Variants in SNX29 observed in about 807,000 individuals in gnomAD.
SNX29 encodes sorting nexin-29.
In SNX29, 78 loss-of-function variants were observed where a neutral mutation model predicts 102.1. The ratio of observed to expected loss-of-function variants is 0.76; its 90% CI spans 0.64 to 0.92. The LOEUF is 0.92. Among genes scored for constraint, SNX29 ranks in the 40% least tolerant of loss-of-function variants. The pLI is 0.00. For synonymous variants in SNX29, 580 were observed against 414.5 expected, an observed-to-expected ratio of 1.40 and a Z score of -4.85; for missense variants, 1,280 against 1,061.7, an observed-to-expected ratio of 1.21 and a Z score of -2.86.
At chr16:12,468,441 G>C (rs2087175679) in intron 18 of SNX29, among the ~76,000 whole-genome samples, 1 of 152,030 alleles carries the variant, frequency 6.6e-6, no homozygotes, top group Non-Finnish European at 1.5e-5. Flanking sequence ...TGGGATTACA[G>C]GTGTGAGCCA....
chr16:12,318,991 G>A (rs2080843198), intron 15 of SNX29, among the ~76,000 whole-genome samples: 1 of 152,058 alleles, frequency 6.6e-6, no homozygotes, highest in Admixed American at 6.6e-5. Context: ...GGAGGTTTGG[G>A]GAGTCCCTTC....
At chr16:12,554,079 G>C (rs1265636689) in intron 20 of SNX29, among the ~76,000 whole-genome samples, 2 of 152,150 alleles carry the variant, frequency 1.3e-5, no homozygotes. Flanking sequence ...TCTCACCTTG[G>C]CCTCCCAAAA....
At chr16:12,163,097 G>C (rs776725159) in intron 13 of SNX29, among the ~76,000 whole-genome samples, 30 of 152,148 alleles carry the variant, frequency 2.0e-4, no homozygotes, top group Non-Finnish European at 3.8e-4. Flanking sequence ...GGCCAGGCTG[G>C]TCTCGAACTC....
chr16:12,125,605 C>T (rs1703489), intron 11 of SNX29, among the ~76,000 whole-genome samples: 16,526 of 45,168 alleles, frequency 0.37, 2,547 homozygotes, highest in East Asian at 0.59. Flanking sequence ...TGAGATCTCT[C>T]TTTTTTTTTT....
At chr16:12,029,618 G>T (rs1035326636) in intron 4 of SNX29, 4 of 449,154 alleles carry the variant, frequency 8.9e-6, no homozygotes, top group South Asian at 6.2e-5. Context: ...TTTAGATGGA[G>T]CCTCACTCTG....
rs574557855 is a variant in SNX29, at chr16:12,289,243, C to T, written c.1782+11207C>T. Among the ~76,000 whole-genome samples the T allele has an allele frequency of 2.6e-5, 4 of 152,270 alleles. No individual in the cohort carries two copies. In the South Asian group the frequency reaches 6.2e-4, roughly 24 times the overall value. ...TCTGTTCCTGTGTGCTGGGGTTATC[C>T]GCCCATGCAGCAGGAGGAGAAGGGT... is the stretch of plus-strand genomic sequence containing the variant. On this transcript the variant is annotated intron_variant, in intron 15 of 20. Coordinates refer to ENST00000566228, the MANE Select transcript of SNX29 (RefSeq NM_032167.5).
chr16:12,026,132 G>C (rs577896815), intron 3 of SNX29, among the ~76,000 whole-genome samples: 11 of 152,326 alleles, frequency 7.2e-5, no homozygotes, highest in Non-Finnish European at 1.3e-4. Flanking sequence ...GAGCCGGATG[G>C]TGGTGGCCTC....
intron 20 of SNX29, among the ~76,000 whole-genome samples, chr16:12,530,201 GAT>G (rs984471846): frequency 1.3e-5 from 2 of 152,232 alleles, no homozygotes; most frequent in African/African-American, 4.8e-5. Flanking sequence ...TGGAGTTGCT[GAT>G]AGTCTTTGGC....
chr16:12,029,861 G>A (rs1596638715), intron 4 of SNX29: 1 of 335,398 alleles, frequency 3.0e-6, no homozygotes, highest in East Asian at 8.1e-5. Flanking sequence ...CAAAGTGCTG[G>A]GATTACAGGC....
chr16:12,166,333 G>T (rs548139447), intron 13 of SNX29, among the ~76,000 whole-genome samples: 10 of 152,150 alleles, frequency 6.6e-5, no homozygotes, highest in Non-Finnish European at 1.3e-4. Flanking sequence ...AGCAGTGAGC[G>T]CTGGAAGCAA....
Position 12,277,941 on chromosome 16 carries a change from C to T in SNX29, c.1687C>T (p.Leu563Phe), listed in dbSNP as rs572156784. The T allele has an allele frequency of 1.2e-6, 2 of 1,606,680 alleles. No homozygotes were observed. Among genetic ancestry groups the T allele is most frequent in the East Asian group, 2.2e-5 (1 of 44,742 alleles). Residue 563 changes from leucine to phenylalanine, a missense_variant, in exon 15 of 21, where the codon CTT (leucine) becomes TTT (phenylalanine). Transcript: ENST00000566228. ...TCTCTCTTTCTCTAAAGTGCCAAAT[C>T]TTTGGAGTGTTGATGGAGAAGTTAC... is the stretch of plus-strand genomic sequence containing the variant. ...REGQTAEVPN[L>F]WSVDGEVTVA...
At chr16:12,243,751 G>A (rs1016663307) in intron 14 of SNX29, among the ~76,000 whole-genome samples, 2 of 152,146 alleles carry the variant, frequency 1.3e-5, no homozygotes, top group Non-Finnish European at 2.9e-5. Flanking sequence ...GGGCCTGGTG[G>A]GCTCATTCAC....
chr16:12,231,072 C>T (rs1021634370), intron 14 of SNX29, among the ~76,000 whole-genome samples: 1 of 152,050 alleles, frequency 6.6e-6, no homozygotes, highest in African/African-American at 2.4e-5. Flanking sequence ...AGGCTGGTCC[C>T]GAACTCCTGA....
chr16:12,317,026 A>G (rs552870622), intron 15 of SNX29, among the ~76,000 whole-genome samples: 1 of 152,370 alleles, frequency 6.6e-6, no homozygotes, highest in Admixed American at 6.5e-5. Context: ...AATGGAATGT[A>G]ACTTGAATTG....
chr16:12,534,516 G>A (rs2077017944), intron 20 of SNX29, among the ~76,000 whole-genome samples: 1 of 152,246 alleles, frequency 6.6e-6, no homozygotes, highest in Non-Finnish European at 1.5e-5. Context: ...AGCAAGAAAA[G>A]TGGGTCTTTG....
At chr16:12,507,418 A>G (rs117694796) in intron 19 of SNX29, among the ~76,000 whole-genome samples, 235 of 152,254 alleles carry the variant, frequency 1.5e-3, no homozygotes, top group Admixed American at 3.4e-3. Context: ...ACCCTCCCCA[A>G]TTCCGTTTTC....
At chr16:12,553,799 G>C (rs983521821) in intron 20 of SNX29, among the ~76,000 whole-genome samples, 3 of 152,012 alleles carry the variant, frequency 2.0e-5, no homozygotes, top group African/African-American at 4.8e-5. Context: ...TGTTGGTCAG[G>C]CTAGTCTCGA....
At chr16:12,539,227 C>A (rs763940079) in intron 20 of SNX29, among the ~76,000 whole-genome samples, 1 of 152,114 alleles carries the variant, frequency 6.6e-6, no homozygotes, top group Non-Finnish European at 1.5e-5. Context: ...AGATATAGAC[C>A]AGTTCCTTCA....
At position 12,126,816 on chromosome 16, in the gene SNX29, T is replaced by C. The variant is rs1596987336; in HGVS notation, c.1466+120T>C. The C allele has an allele frequency of 4.9e-6, 5 of 1,029,076 alleles. No homozygotes were observed. In the East Asian group the frequency reaches 1.3e-4, roughly 27 times the overall value. The allele number at this position is 1,029,076 out of a possible 1,614,324, so 63.7% of individuals were successfully genotyped here. The stretch of plus-strand genomic sequence containing the variant: ...CTTGGCAAAAATTGTGACTGGCTAT[T>C]TCTTATCGTCAGGGATATGCCACTG... On this transcript the variant is annotated intron_variant, in intron 12 of 20. Transcript: ENST00000566228.
Sources: allele counts gnomAD v4.1 joint callset (sites outside exome capture counted in the v4.1 genomes callset), GRCh38; gene constraint gnomAD v4.1.1; transcripts MANE v1.5; gene names NCBI Gene and HGNC (gene_info 2026-07-23, HGNC 2026-07-21).